Variants in KCNN2 observed in about 807,000 individuals in gnomAD.
KCNN2 encodes small conductance calcium-activated potassium channel protein 2.
In KCNN2, 24 loss-of-function variants were observed where a neutral mutation model predicts 55.5. The ratio of observed to expected loss-of-function variants is 0.43; its 90% CI spans 0.31 to 0.61. The LOEUF is 0.61. Among genes scored for constraint, KCNN2 ranks in the 20% least tolerant of loss-of-function variants. KCNN2 has a pLI of 0.08. For synonymous variants in KCNN2, 431 were observed against 336.1 expected, an observed-to-expected ratio of 1.28 and a Z score of -3.09; for missense variants, 754 against 853.6, an observed-to-expected ratio of 0.88 and a Z score of 1.45.
In KCNN2 at chr5:114,204,669, C is replaced by T. The variant is rs372911043; in HGVS notation, c.-270-16811C>T. ...CTTTACACAGCATACTCAGTAGCCA[C>T]TTTTAGTTTTTGGAAATGGCCGTGT... On this transcript the variant is annotated intron_variant, in intron 1 of 10. Coordinates refer to the KCNN2 transcript ENST00000512097. Among the ~76,000 whole-genome samples the T allele has an allele frequency of 2.6e-4, 40 of 152,306 alleles. No individual in the cohort carries two copies. The South Asian group carries it at 5.8e-3, about 22-fold the overall frequency.
chr5:114,364,547 C>A (rs1295559362), intron 2 of KCNN2, among the ~76,000 whole-genome samples: 1 of 151,480 alleles, frequency 6.6e-6, no homozygotes, highest in Non-Finnish European at 1.5e-5. Flanking sequence ...AATGCAAATT[C>A]TGTGTATCCA....
intron 2 of KCNN2, among the ~76,000 whole-genome samples, chr5:114,368,870 A>ATT (rs5870605): frequency 3.9e-4 from 58 of 150,614 alleles, no homozygotes; most frequent in South Asian, 8.4e-4. Flanking sequence ...GACCTATTTC[A>ATT]TTTTTTTTTA....
intron 1 of KCNN2, among the ~76,000 whole-genome samples, chr5:114,081,830 A>G (rs537251549): frequency 1.3e-5 from 2 of 152,276 alleles, no homozygotes; most frequent in Non-Finnish European, 2.9e-5. Context: ...TAAAAGGACA[A>G]CCCATAAAGT....
chr5:114,072,291 T>TA (rs111788636), intron 1 of KCNN2, among the ~76,000 whole-genome samples: 2 of 141,940 alleles, frequency 1.4e-5, no homozygotes, highest in African/African-American at 2.6e-5. Flanking sequence ...AAACTCCATC[T>TA]AAAAAAAAAA....
rs1405542126 is a variant in KCNN2 at position 114,140,273 on chromosome 5, GT to G, written c.-270-81204del. Among the ~76,000 whole-genome samples the G allele has an allele frequency of 3.3e-5, 5 of 152,242 alleles. No individual in the cohort carries two copies. The East Asian group carries it at 9.7e-4, about 29-fold the overall frequency. ...AGATTTTGCTGACATATAGTACGAG[GT>G]TTATTATCAAGTAGCTAAACCTCAG... is the stretch of plus-strand genomic sequence containing the variant. On this transcript the variant is annotated intron_variant, in intron 1 of 10. Transcript: ENST00000512097.
At chr5:114,482,069 G>C (rs1208055037) in intron 5 of KCNN2, among the ~76,000 whole-genome samples, 1 of 150,644 alleles carries the variant, frequency 6.6e-6, no homozygotes, top group Non-Finnish European at 1.5e-5. Flanking sequence ...CACAGCAAAA[G>C]AAACTATTGA....
rs1164388495 is a variant in KCNN2 at position 114,123,432 on chromosome 5, G to A, written c.-271+66932G>A. ...GGCTGGAGTGCAGTGGCGCGATCTCGGCTCACTGCAAGCTCCGCCTCCCGG... is the reference window on the plus strand; with the variant it reads ...GGCTGGAGTGCAGTGGCGCGATCTCAGCTCACTGCAAGCTCCGCCTCCCGG... On this transcript the variant is annotated intron_variant, in intron 1 of 10. Coordinates refer to the KCNN2 transcript ENST00000512097. Among the ~76,000 whole-genome samples, 3 of 60,278 alleles carry A rather than the reference G, an allele frequency of 5.0e-5. 1 individual carries two copies. Among genetic ancestry groups the A allele is most frequent in the East Asian group, 2.2e-4 (1 of 4,518 alleles). 39.5% of individuals were successfully genotyped at this position (60,278 alleles called of 152,430 possible).
chr5:114,462,234 C>T (rs547306340), intron 3 of KCNN2, among the ~76,000 whole-genome samples: 2 of 152,296 alleles, frequency 1.3e-5, no homozygotes, highest in Admixed American at 6.5e-5. Context: ...ACTGTTAATT[C>T]AACCGAAGTG....
chr5:114,266,244 T>C (rs1278288690), intron 2 of KCNN2, among the ~76,000 whole-genome samples: 2 of 152,170 alleles, frequency 1.3e-5, no homozygotes, highest in African/African-American at 4.8e-5. Context: ...TCCAGCCACA[T>C]TTCAGGTGCT....
intron 1 of KCNN2, among the ~76,000 whole-genome samples, chr5:114,163,675 C>T (rs1752845384): frequency 2.0e-5 from 3 of 152,128 alleles, no homozygotes; most frequent in Admixed American, 2.0e-4. Context: ...TTCTTGCCCT[C>T]TCTGGTGTTC....
intron 3 of KCNN2, among the ~76,000 whole-genome samples, chr5:114,431,592 C>G (rs1561379599): frequency 6.6e-6 from 1 of 151,880 alleles, no homozygotes; most frequent in Admixed American, 6.6e-5. Context: ...GATATCTGCT[C>G]TAATTTTTTA....
At chr5:114,088,637 T>C (rs1175622606) in intron 1 of KCNN2, among the ~76,000 whole-genome samples, 1 of 152,202 alleles carries the variant, frequency 6.6e-6, no homozygotes, top group African/African-American at 2.4e-5. Flanking sequence ...GTTTTGTTTT[T>C]GAGATGGAGT....
At chr5:114,155,090 C>T (rs948978486) in intron 1 of KCNN2, among the ~76,000 whole-genome samples, 4 of 151,992 alleles carry the variant, frequency 2.6e-5, no homozygotes, top group Non-Finnish European at 2.9e-5. Flanking sequence ...TCTAGGTGTC[C>T]GTGTGTTCTC....
chr5:114,065,565 G>A (rs552173636), intron 1 of KCNN2, among the ~76,000 whole-genome samples: 29 of 152,278 alleles, frequency 1.9e-4, no homozygotes, highest in African/African-American at 7.0e-4. Flanking sequence ...TCAGCCATAT[G>A]CTTAGTATCA....
intron 1 of KCNN2, among the ~76,000 whole-genome samples, chr5:114,179,044 A>G (rs561050629): frequency 4.6e-4 from 70 of 152,350 alleles, no homozygotes; most frequent in African/African-American, 1.5e-3. Context: ...GGTGGAACAT[A>G]AACTTGGGGA....
intron 1 of KCNN2, among the ~76,000 whole-genome samples, chr5:114,095,597 C>T (rs776100801): frequency 3.3e-5 from 5 of 152,174 alleles, no homozygotes; most frequent in Admixed American, 6.5e-5. Context: ...AGATTCAATT[C>T]TGATTGTTCC....
At chr5:114,487,571 T>G (rs909655870) in intron 6 of KCNN2, among the ~76,000 whole-genome samples, 15 of 152,334 alleles carry the variant, frequency 9.8e-5, no homozygotes, top group Middle Eastern at 3.4e-3. Context: ...ACTTGAATTT[T>G]AAGTTAGTTT....
intron 4 of KCNN2, among the ~76,000 whole-genome samples, chr5:114,472,142 T>A (rs1761773247): frequency 6.6e-6 from 1 of 152,146 alleles, no homozygotes; most frequent in Non-Finnish European, 1.5e-5. Flanking sequence ...CCCCCTTCCC[T>A]GCTGGGAGGT....
chr5:114,348,417 T>TATA lies in KCNN2; in HGVS notation c.-184-12511_-184-12509dup, dbSNP rs887398693. Among the ~76,000 whole-genome samples the TATA allele has an allele frequency of 4.9e-4, 74 of 151,536 alleles. 1 individual carries two copies. Among genetic ancestry groups the TATA allele is most frequent in the Non-Finnish European group, 3.1e-4 (21 of 67,850 alleles). Reference sequence around the variant, plus strand: ...TGCACATGTACCCTAAAACTTAAAGTATAATAATAATAATAATAAAAAGAA... The same window carrying TATA: ...TGCACATGTACCCTAAAACTTAAAGTATAATAATAATAATAATAATAAAAAGAA... On this transcript the variant is annotated intron_variant, in intron 2 of 10. Coordinates refer to the KCNN2 transcript ENST00000512097.
Sources: allele counts gnomAD v4.1 joint callset (sites outside exome capture counted in the v4.1 genomes callset), GRCh38; gene constraint gnomAD v4.1.1; transcripts MANE v1.5; gene names NCBI Gene and HGNC (gene_info 2026-07-23, HGNC 2026-07-21).